The following SLC35F4 variants were observed in gnomAD, a reference collection of about 807,000 sequenced individuals.
The protein encoded by SLC35F4 is solute carrier family 35 member F4.
Under a neutral mutation model 44.2 loss-of-function variants are expected in SLC35F4, and 24 were observed. The ratio of observed to expected loss-of-function variants is 0.54; its 90% CI spans 0.39 to 0.76. The LOEUF is 0.76. Among genes scored for constraint, SLC35F4 ranks in the 30% least tolerant of loss-of-function variants. The probability of loss-of-function intolerance (pLI) is 0.00; values close to 1 mark genes in which losing one functional copy is unlikely to be tolerated. For synonymous variants in SLC35F4, 238 were observed against 223.6 expected (o/e 1.06, Z -0.57); for missense variants, 562 against 586.1 (o/e 0.96, Z 0.42).
At chr14:57,801,856 C>A (rs1013055869) in intron 1 of SLC35F4, among the ~76,000 whole-genome samples, 1 of 152,122 alleles carries the variant, frequency 6.6e-6, no homozygotes, top group Non-Finnish European at 1.5e-5. Flanking sequence ...GACCTACAAA[C>A]AGACTTAGAC....
intron 1 of SLC35F4, among the ~76,000 whole-genome samples, chr14:57,670,073 C>G (rs1027518145): frequency 2.6e-5 from 4 of 152,014 alleles, no homozygotes; most frequent in African/African-American, 9.7e-5. Flanking sequence ...GTGTATGTGT[C>G]GAGGAATTTA....
At chr14:57,709,147 G>C (rs1306355038) in intron 1 of SLC35F4, among the ~76,000 whole-genome samples, 2 of 152,090 alleles carry the variant, frequency 1.3e-5, no homozygotes, top group African/African-American at 2.4e-5. Flanking sequence ...TGGAGGAGTA[G>C]AGTCTTCTCT....
downstream of SLC35F4, among the ~76,000 whole-genome samples, chr14:57,972,089 A>C (rs1235706783): frequency 6.7e-6 from 1 of 149,968 alleles, no homozygotes; most frequent in Non-Finnish European, 1.5e-5. Flanking sequence ...CATGAGGTGG[A>C]AAAGAGTGTG....
chr14:57,572,813 TTGC>T (rs1165974979), intron 4 of SLC35F4, among the ~76,000 whole-genome samples: 1 of 152,258 alleles, frequency 6.6e-6, no homozygotes, highest in Non-Finnish European at 1.5e-5. Context: ...CCTTAGTGAA[TTGC>T]TGCTTTGTGT....
intron 1 of SLC35F4, among the ~76,000 whole-genome samples, chr14:57,643,079 AT>A (rs2073323788): frequency 6.6e-6 from 1 of 152,052 alleles, no homozygotes; most frequent in South Asian, 2.1e-4. Flanking sequence ...TAGCCCAAAT[AT>A]AAAAATGCAA....
intron 1 of SLC35F4, among the ~76,000 whole-genome samples, chr14:57,633,272 C>T (rs1227226084): frequency 6.6e-6 from 1 of 152,088 alleles, no homozygotes; most frequent in Non-Finnish European, 1.5e-5. Context: ...CTGGATTTTA[C>T]AGTAAGAGTA....
intron 1 of SLC35F4, among the ~76,000 whole-genome samples, chr14:57,686,073 G>A (rs2075058504): frequency 6.6e-6 from 1 of 152,300 alleles, no homozygotes; most frequent in East Asian, 1.9e-4. Flanking sequence ...GTTCTTGGCT[G>A]TGTTTGAGAT....
At chr14:57,865,661 G>C in intron 1 of SLC35F4, 62 bp downstream of exon 1, 2 of 1,391,922 alleles carry the variant, frequency 1.4e-6, no homozygotes, top group Non-Finnish European at 1.9e-6. Flanking sequence ...GCATCCCCGC[G>C]GCACCCCTGC....
intron 1 of SLC35F4, among the ~76,000 whole-genome samples, chr14:57,689,413 C>G (rs1474652862): frequency 6.6e-6 from 1 of 152,110 alleles, no homozygotes; most frequent in Non-Finnish European, 1.5e-5. Flanking sequence ...AGAGCCATCT[C>G]AAATGCTAAA....
At chr14:57,753,471 A>G (rs972925355) in intron 1 of SLC35F4, among the ~76,000 whole-genome samples, 2 of 152,110 alleles carry the variant, frequency 1.3e-5, no homozygotes, top group African/African-American at 4.8e-5. Flanking sequence ...GGAGATGAGT[A>G]TGGGGGAGGG....
At chr14:57,886,270 A>G (rs777539893) in intron 1 of SLC35F4, among the ~76,000 whole-genome samples, 12 of 152,200 alleles carry the variant, frequency 7.9e-5, no homozygotes, top group Non-Finnish European at 1.5e-4. Context: ...GTCTAGGTGT[A>G]GCTTATCTGA....
chr14:57,624,317 C>T (rs4901800), intron 1 of SLC35F4, among the ~76,000 whole-genome samples: 91,590 of 151,922 alleles, frequency 0.6, 29,833 homozygotes, highest in Non-Finnish European at 0.74. Context: ...AATAGCTTAC[C>T]AACCAAAAAA....
At chr14:57,592,173 G>A (rs2070232085) in intron 2 of SLC35F4, among the ~76,000 whole-genome samples, 1 of 152,166 alleles carries the variant, frequency 6.6e-6, no homozygotes, top group Non-Finnish European at 1.5e-5. Context: ...CCTTTATCAA[G>A]TCATGCAAAT....
intron 1 of SLC35F4, among the ~76,000 whole-genome samples, chr14:57,689,380 G>C (rs533340241): frequency 5.9e-5 from 9 of 151,932 alleles, no homozygotes; most frequent in Non-Finnish European, 1.3e-4. Flanking sequence ...ATTACCTAGA[G>C]AATTCCAAGA....
At chr14:57,705,094 T>C (rs1332545498) in intron 1 of SLC35F4, among the ~76,000 whole-genome samples, 1 of 152,196 alleles carries the variant, frequency 6.6e-6, no homozygotes, top group Non-Finnish European at 1.5e-5. Flanking sequence ...GCTCATAAAA[T>C]TGTTCTGAGA....
chr14:57,583,867 G>T (rs189071518), intron 3 of SLC35F4, among the ~76,000 whole-genome samples: 64 of 152,254 alleles, frequency 4.2e-4, no homozygotes, highest in Non-Finnish European at 7.8e-4. Context: ...GCGAATAACA[G>T]TGGGTTTCTC....
chr14:57,873,968 A>G (rs761220100), intron 1 of SLC35F4, among the ~76,000 whole-genome samples: 1 of 152,238 alleles, frequency 6.6e-6, no homozygotes, highest in Non-Finnish European at 1.5e-5. Flanking sequence ...GCTCCATGAC[A>G]ACAAGCACAT....
chr14:57,645,385 C>T lies in SLC35F4; in HGVS notation c.104-51261G>A, dbSNP rs538742558. Reference sequence around the variant, plus strand: ...GGTATTTTATTCTCTTTGAAGCAATCGTGAATGGGAGTTCACTCATGATTT... The same window carrying T: ...GGTATTTTATTCTCTTTGAAGCAATTGTGAATGGGAGTTCACTCATGATTT... On this transcript the variant is annotated intron_variant, in intron 1 of 7. Coordinates refer to ENST00000556826, the MANE Select transcript of SLC35F4 (RefSeq NM_001306087.2). Among the ~76,000 whole-genome samples the T allele has an allele frequency of 6.0e-4, 91 of 152,102 alleles. 1 individual carries two copies. The highest frequency in any genetic ancestry group is 2.3e-3 in the South Asian group (11 of 4,816).
chr14:57,663,239 T>A (rs561557993), intron 1 of SLC35F4, among the ~76,000 whole-genome samples: 1 of 152,226 alleles, frequency 6.6e-6, no homozygotes. Context: ...GTAACGAAGT[T>A]ACATAACTCA....
Sources: gnomAD v4.1 joint callset for allele counts (sites outside exome capture counted in the v4.1 genomes callset) on GRCh38, gnomAD v4.1.1 for gene constraint, MANE v1.5 for transcripts, NCBI Gene and HGNC (gene_info 2026-07-23, HGNC 2026-07-21) for gene names.